The following KDM2B variants were observed in gnomAD, a reference collection of about 807,000 sequenced individuals.
KDM2B encodes the protein lysine demethylase 2B.
A neutral mutation model predicts 150.0 loss-of-function variants in KDM2B; 26 were observed. The ratio of observed to expected loss-of-function variants is 0.17; its 90% CI spans 0.13 to 0.24. The LOEUF (loss-of-function observed/expected upper bound fraction) is 0.24. KDM2B is among the 10% of genes least tolerant of loss of function. The pLI, the probability that KDM2B is intolerant of heterozygous loss-of-function variation, is 1.00. For synonymous variants in KDM2B, 734 were observed against 729.5 expected (o/e 1.01, Z -0.10); for missense variants, 1,265 against 1,816.9 (o/e 0.70, Z 5.52).
intron 1 of KDM2B, chr12:121,579,483 G>T: frequency 1.3e-6 from 1 of 794,336 alleles, no homozygotes; most frequent in Non-Finnish European, 1.8e-6. Context: ...GAAGGGCTGA[G>T]ACCCCAGCCG....
intron 8 of KDM2B, chr12:121,524,872 C>T: frequency 3.9e-6 from 1 of 256,926 alleles, no homozygotes; most frequent in Non-Finnish European, 8.3e-6. Flanking sequence ...CAGTGATACA[C>T]AAAGCAGCAC....
At chr12:121,421,619 C>T in the KDM2B span, among the ~76,000 whole-genome samples, 602 of 152,108 alleles carry the variant, frequency 4.0e-3, 2 homozygotes, top group African/African-American at 0.012. Context: ...GCTGGTAACA[C>T]GATCAAGCCA....
At chr12:121,455,502 G>A (rs782428208) in intron 12 of KDM2B, among the ~76,000 whole-genome samples, 12 of 152,312 alleles carry the variant, frequency 7.9e-5, no homozygotes, top group South Asian at 6.2e-4. Context: ...CTTGAGGTCA[G>A]GAGTTCAACA....
chr12:121,517,001 T>C, intron 9 of KDM2B: 1 of 586,492 alleles, frequency 1.7e-6, no homozygotes. Flanking sequence ...CGGCATTACC[T>C]TTTCTGGGAA....
intron 11 of KDM2B, among the ~76,000 whole-genome samples, chr12:121,502,544 C>T (rs1226539484): frequency 1.3e-5 from 2 of 151,768 alleles, no homozygotes; most frequent in Non-Finnish European, 2.9e-5. Flanking sequence ...TCACTTGAAC[C>T]GAGGAGGCGG....
intron 11 of KDM2B, among the ~76,000 whole-genome samples, chr12:121,499,593 A>C (rs782034625): frequency 6.6e-6 from 1 of 152,004 alleles, no homozygotes; most frequent in African/African-American, 2.4e-5. Flanking sequence ...TCGAGGCTGC[A>C]GTGAGCTATG....
intron 4 of KDM2B, among the ~76,000 whole-genome samples, chr12:121,558,672 C>T (rs781847400): frequency 6.6e-6 from 1 of 152,122 alleles, no homozygotes; most frequent in South Asian, 2.1e-4. Flanking sequence ...CCAAGATGGT[C>T]TCAAACTCCT....
chr12:121,523,193 C>A (rs782770299), intron 8 of KDM2B, among the ~76,000 whole-genome samples: 2 of 152,216 alleles, frequency 1.3e-5, no homozygotes, highest in Non-Finnish European at 2.9e-5. Context: ...TTAGCCAGCA[C>A]GCTGCACAGC....
intron 8 of KDM2B, among the ~76,000 whole-genome samples, chr12:121,523,925 C>T (rs1555306306): frequency 6.6e-6 from 1 of 152,232 alleles, no homozygotes; most frequent in Non-Finnish European, 1.5e-5. Context: ...GGCTGCCGCC[C>T]TGAAAGAGCC....
intron 12 of KDM2B, among the ~76,000 whole-genome samples, chr12:121,481,802 G>C (rs1555297948): frequency 6.6e-6 from 1 of 150,722 alleles, no homozygotes; most frequent in Non-Finnish European, 1.5e-5. Context: ...TTTTGAGACA[G>C]AGTTTTGCTC....
At chr12:121,534,184 C>A (rs868984651) in intron 7 of KDM2B, among the ~76,000 whole-genome samples, 2 of 152,000 alleles carry the variant, frequency 1.3e-5, no homozygotes, top group South Asian at 2.1e-4. Flanking sequence ...CCCGTCTCTA[C>A]TAAAAATACA....
Position 121,442,520 on chromosome 12 carries a change from T to A in KDM2B, c.2921A>T (p.Lys974Met), listed in dbSNP as rs782485006. Residue 974 changes from lysine to methionine, a missense_variant, in exon 19 of 23, where the codon AAG becomes ATG. Coordinates refer to ENST00000377071, the MANE Select transcript of KDM2B (RefSeq NM_032590.5). This position sits in a 1 kb window ranked among gnomAD's most constrained non-coding sequence, Gnocchi z 7.7. ...CTCGCCCTCGCTCTCAGGCTCCGACTTGATGGGCTGCTGGTTCTCGTTGGC... is the reference window on the plus strand; with the variant it reads ...CTCGCCCTCGCTCTCAGGCTCCGACATGATGGGCTGCTGGTTCTCGTTGGC... ...SLANENQQPI[K>M]SEPESEGEEP... The A allele has an allele frequency of 6.3e-7, 1 of 1,599,642 alleles. No individual in the cohort carries two copies. Among genetic ancestry groups the A allele is most frequent in the South Asian group, 1.1e-5 (1 of 91,078 alleles).
chr12:121,470,095 T>G (rs1316325908), intron 12 of KDM2B: 1 of 121,920 alleles, frequency 8.2e-6, no homozygotes, highest in Non-Finnish European at 1.6e-5. Context: ...ATATTCTGTC[T>G]CAAAAAAAAA....
intron 4 of KDM2B, among the ~76,000 whole-genome samples, chr12:121,565,779 C>A (rs2136334833): frequency 6.6e-6 from 1 of 152,032 alleles, no homozygotes; most frequent in East Asian, 1.9e-4. Context: ...GCACCTGCCA[C>A]CACACCCGGC....
chr12:121,517,739 G>A (rs1299533370), intron 9 of KDM2B, among the ~76,000 whole-genome samples: 4 of 151,466 alleles, frequency 2.6e-5, no homozygotes, highest in Admixed American at 2.0e-4. Flanking sequence ...CCAAAGTGCT[G>A]GGATTATAGG....
At chr12:121,559,232 T>C (rs1368185863) in intron 4 of KDM2B, among the ~76,000 whole-genome samples, 2 of 151,978 alleles carry the variant, frequency 1.3e-5, no homozygotes, top group Admixed American at 1.3e-4. Flanking sequence ...CAAGTGACCG[T>C]CTTAGGAGCA....
chr12:121,574,556 G>T lies in KDM2B; in HGVS notation c.388C>A (p.Leu130Ile). The T allele has an allele frequency of 6.2e-7, 1 of 1,614,030 alleles. No homozygotes were observed. The highest frequency in any genetic ancestry group is 1.3e-5 in the African/African-American group (1 of 75,048). Residue 130 changes from leucine (L) to isoleucine (I), a missense_variant, in exon 4 of 23, where the codon CTC becomes ATC. Transcript: ENST00000377071. ...DPDFTVRDVK[L>I]LVGSRRLVDV... Reference sequence around the variant, plus strand: ...ACGGCAAGCGACTTACCCACTAGGAGTTTGACGTCTCGGACTGTGAAATCA... The same window carrying T: ...ACGGCAAGCGACTTACCCACTAGGATTTTGACGTCTCGGACTGTGAAATCA...
the KDM2B span, among the ~76,000 whole-genome samples, chr12:121,412,308 C>T: frequency 7.1e-6 from 1 of 140,776 alleles, no homozygotes; most frequent in Admixed American, 7.5e-5. Flanking sequence ...GGCGCAATCT[C>T]GGCTCACTGC....
In KDM2B at chr12:121,442,334, A is replaced by T; in HGVS notation, c.3107T>A (p.Ile1036Asn). The change falls in exon 19 of 23, where the codon ATC becomes AAC. Residue 1036 changes from isoleucine (I) to asparagine (N), a missense_variant. By Grantham distance (149) the Ile-to-Asn change is moderately radical. This residue lies in a region of KDM2B where 418 missense variants were observed against 402.4 expected (regional missense o/e 1.04). Transcript: ENST00000377071. The surrounding 1 kb of genome is among the most constrained non-coding windows in gnomAD (Gnocchi z 7.7). ...CCGGATCACATGGCGCTCCATCTGGATACACTTGGGCGGGGACACGGAGGG... is the reference window on the plus strand; with the variant it reads ...CCGGATCACATGGCGCTCCATCTGGTTACACTTGGGCGGGGACACGGAGGG... ...PPPSVSPPKCIQMERHVIRPP... is the reference protein window; with the variant it reads ...PPPSVSPPKCNQMERHVIRPP... 1 of 1,597,860 alleles carries T rather than the reference A, an allele frequency of 6.3e-7. No homozygotes were observed. Among genetic ancestry groups the T allele is most frequent in the Non-Finnish European group, 8.5e-7 (1 of 1,170,194 alleles).
Sources: allele counts gnomAD v4.1 joint callset (sites outside exome capture counted in the v4.1 genomes callset), GRCh38; gene constraint gnomAD v4.1.1; regional missense constraint gnomAD v4.1.1; non-coding constraint Gnocchi (gnomAD v3.1); transcripts MANE v1.5; gene names NCBI Gene and HGNC (gene_info 2026-07-23, HGNC 2026-07-21).